The following PTPRZ1 variants were observed in gnomAD, a reference collection of about 807,000 sequenced individuals.
The protein encoded by PTPRZ1 is protein tyrosine phosphatase receptor type Z1, also known as receptor-type tyrosine-protein phosphatase zeta.
PTPRZ1 carries 82 observed loss-of-function variants against 214.1 expected under a neutral mutation model. That is an observed-to-expected ratio of 0.38 (90% CI 0.32 to 0.46). The LOEUF (loss-of-function observed/expected upper bound fraction) is 0.46, where lower values mean the gene tolerates loss of function less well. Among genes scored for constraint, PTPRZ1 ranks in the 20% least tolerant of loss-of-function variants. The probability of loss-of-function intolerance (pLI) is 1.00; values close to 1 mark genes in which losing one functional copy is unlikely to be tolerated. For synonymous variants in PTPRZ1, 945 were observed against 987.9 expected (o/e 0.96, Z 0.81); for missense variants, 2,603 against 2,748.7 (o/e 0.95, Z 1.19).
At chr7:122,000,301 T>C (rs1217588445) in intron 10 of PTPRZ1, among the ~76,000 whole-genome samples, 1 of 152,100 alleles carries the variant, frequency 6.6e-6, no homozygotes, top group Non-Finnish European at 1.5e-5. Flanking sequence ...TCTTAAATAT[T>C]GTTTCTTTGG....
intron 1 of PTPRZ1, among the ~76,000 whole-genome samples, chr7:121,907,386 G>A (rs560103279): frequency 6.6e-6 from 1 of 152,034 alleles, no homozygotes; most frequent in South Asian, 2.1e-4. Flanking sequence ...ATTATATGTG[G>A]TTGAACAACT....
chr7:121,895,585 T>G (rs1466700696), intron 1 of PTPRZ1, among the ~76,000 whole-genome samples: 1 of 152,222 alleles, frequency 6.6e-6, no homozygotes, highest in Non-Finnish European at 1.5e-5. Flanking sequence ...TATAAATTAT[T>G]TTATTGTAAA....
chr7:121,913,558 A>G (rs1000156484), intron 1 of PTPRZ1, among the ~76,000 whole-genome samples: 17 of 152,214 alleles, frequency 1.1e-4, no homozygotes, highest in African/African-American at 1.7e-4. Context: ...TCATTGAATT[A>G]ATTGGTTTAT....
intron 19 of PTPRZ1, 109 bp downstream of exon 19, chr7:122,038,998 G>C: frequency 8.2e-7 from 1 of 1,214,284 alleles, no homozygotes; most frequent in Non-Finnish European, 1.2e-6. Flanking sequence ...AGAGTTATTT[G>C]GGATTCTTTT....
Position 122,037,692 on chromosome 7 carries a change from A to T in PTPRZ1, c.5367+1010A>T, listed in dbSNP as rs528243191. Among the ~76,000 whole-genome samples, 10 of 152,328 alleles carry T rather than the reference A, an allele frequency of 6.6e-5. No homozygotes were observed. In the South Asian group the frequency reaches 1.7e-3, roughly 25 times the overall value. On this transcript the variant is annotated intron_variant, in intron 18 of 29. Coordinates refer to ENST00000393386, the MANE Select transcript of PTPRZ1 (RefSeq NM_002851.3). The stretch of plus-strand genomic sequence containing the variant: ...ACTGTTTCATGCTTCCTGAGGAGGA[A>T]ATATGCATGTCAGAATGAACATGAG...
chr7:121,915,603 G>A (rs889390317), intron 1 of PTPRZ1, among the ~76,000 whole-genome samples: 7 of 152,112 alleles, frequency 4.6e-5, no homozygotes, highest in Non-Finnish European at 5.9e-5. Flanking sequence ...ATTATACTCT[G>A]GTTTGTGATC....
At chr7:121,891,551 A>G (rs149124260) in intron 1 of PTPRZ1, among the ~76,000 whole-genome samples, 272 of 139,782 alleles carry the variant, frequency 1.9e-3, no homozygotes, top group Middle Eastern at 7.9e-3. Context: ...ATTGCCATAT[A>G]TAACTTGCAT....
intron 3 of PTPRZ1, among the ~76,000 whole-genome samples, chr7:121,969,739 G>A (rs1296544818): frequency 2.0e-5 from 3 of 151,766 alleles, no homozygotes; most frequent in Admixed American, 6.6e-5. Flanking sequence ...CAGTTTTGAA[G>A]GGTGTTAGAA....
rs536934443 is a variant in PTPRZ1, at chr7:122,028,278, G to T, written c.4989-274G>T. 1.1e-5 allele frequency: 3 copies of T among 283,228 alleles called. No individual in the cohort carries two copies. In the East Asian group the frequency reaches 2.4e-4, roughly 23 times the overall value. 17.5% of individuals were successfully genotyped at this position (283,228 alleles called of 1,614,324 possible). On this transcript the variant is annotated intron_variant, in intron 13 of 29. Coordinates refer to ENST00000393386, the MANE Select transcript of PTPRZ1 (RefSeq NM_002851.3). ...TCCTATATTAACAAAGTATCACTTT[G>T]AACCCAGCTACAACTTCAAATTCTG...
In PTPRZ1 at chr7:122,019,243, C is replaced by T. The variant is rs1180458410; in HGVS notation, c.4963C>T (p.Leu1655Phe). The T allele has an allele frequency of 1.2e-6, 2 of 1,611,130 alleles. No individual in the cohort carries two copies. Among genetic ancestry groups the T allele is most frequent in the Non-Finnish European group, 1.7e-6 (2 of 1,178,430 alleles). The change falls in exon 13 of 30, where the codon CTT (leucine) becomes TTT (phenylalanine). Residue 1655 changes from leucine (L) to phenylalanine (F), a missense_variant. Coordinates refer to ENST00000393386, the MANE Select transcript of PTPRZ1 (RefSeq NM_002851.3). ...CCTGACTTTTATCTGTCTAGTGGTT[C>T]TTGTGGGTATTCTCATCTACTGGAG... ...SALTFICLVV[L>F]VGILIYWRKC... is the part of the protein sequence containing the mutation.
At chr7:122,014,588 A>G (rs1416815926) in intron 12 of PTPRZ1, among the ~76,000 whole-genome samples, 3 of 151,962 alleles carry the variant, frequency 2.0e-5, no homozygotes, top group Non-Finnish European at 4.4e-5. Context: ...ACAGGCGCCC[A>G]CCACCACGCC....
intron 27 of PTPRZ1, 57 bp from the exon 28 acceptor site, chr7:122,058,743 A>G: frequency 2.0e-6 from 3 of 1,468,078 alleles, no homozygotes; most frequent in Non-Finnish European, 2.8e-6. Context: ...TTCCTCAATG[A>G]TTCCACTCCT....
chr7:122,039,094 G>A (rs752073541), intron 19 of PTPRZ1, among the ~76,000 whole-genome samples: 11 of 152,262 alleles, frequency 7.2e-5, no homozygotes, highest in South Asian at 4.1e-4. Flanking sequence ...CCTTTTAAAC[G>A]CATTCTTCAT....
intron 8 of PTPRZ1, among the ~76,000 whole-genome samples, chr7:121,990,015 A>C (rs1325310289): frequency 1.3e-5 from 2 of 152,106 alleles, no homozygotes; most frequent in African/African-American, 4.8e-5. Flanking sequence ...TACCTTTAAT[A>C]CATCATTCTT....
chr7:121,907,377 T>A (rs1171738341), intron 1 of PTPRZ1, among the ~76,000 whole-genome samples: 4 of 152,016 alleles, frequency 2.6e-5, no homozygotes, highest in African/African-American at 9.6e-5. Context: ...TTTTACCTAA[T>A]TATATGTGGT....
chr7:122,034,946 A>G (rs1299699495), intron 17 of PTPRZ1, among the ~76,000 whole-genome samples: 1 of 151,830 alleles, frequency 6.6e-6, no homozygotes, highest in Non-Finnish European at 1.5e-5. Context: ...ATTTTACGTA[A>G]TATTTCTCTA....
chr7:122,040,256 C>A (rs543620487), intron 20 of PTPRZ1, among the ~76,000 whole-genome samples: 3 of 152,160 alleles, frequency 2.0e-5, no homozygotes, highest in Non-Finnish European at 2.9e-5. Flanking sequence ...TACTCAGGTT[C>A]TTCAAAGAAA....
intron 15 of PTPRZ1, chr7:122,033,886 T>G: frequency 1.9e-6 from 1 of 535,832 alleles, no homozygotes; most frequent in Non-Finnish European, 3.3e-6. Context: ...TATGTTTTCT[T>G]TTACATAATT....
At chr7:122,040,771 TGTGTGTG>T (rs1799703515) in intron 20 of PTPRZ1, 38 bp from the exon 21 acceptor site, 3 of 1,168,392 alleles carry the variant, frequency 2.6e-6, no homozygotes, top group African/African-American at 3.1e-5. Context: ...TGTGTGTGTG[TGTGTGTG>T]TGTGTTTGAC....
Sources: allele counts gnomAD v4.1 joint callset (sites outside exome capture counted in the v4.1 genomes callset), GRCh38; gene constraint gnomAD v4.1.1; transcripts MANE v1.5; gene names NCBI Gene and HGNC (gene_info 2026-07-23, HGNC 2026-07-21).